The following RBM34 variants were observed in gnomAD, a reference collection of about 807,000 sequenced individuals.
RBM34 encodes RNA binding motif protein 34.
A neutral mutation model predicts 44.6 loss-of-function variants in RBM34; 39 were observed. The observed-to-expected ratio is 0.87, with a 90% CI of 0.68 to 1.14. RBM34 has a LOEUF of 1.14. Among genes scored for constraint, RBM34 ranks in the 50% most tolerant of loss-of-function variants. RBM34 has a pLI of 0.00. For synonymous variants in RBM34, 194 were observed against 184.0 expected (o/e 1.05, Z -0.44); for missense variants, 572 against 517.9 (o/e 1.10, Z -1.01).
intron 6 of RBM34, among the ~76,000 whole-genome samples, chr1:235,141,339 C>A (rs1014800177): frequency 1.3e-5 from 2 of 152,150 alleles, no homozygotes; most frequent in African/African-American, 2.4e-5. Flanking sequence ...GTGCACCAAT[C>A]GATACTCTGT....
At position 235,160,501 on chromosome 1, in the gene RBM34, T is replaced by A; in HGVS notation, c.365+10A>T. The A allele has an allele frequency of 6.2e-7, 1 of 1,607,128 alleles. No homozygotes were observed. The highest frequency in any genetic ancestry group is 1.7e-5 in the Admixed American group (1 of 58,482). On this transcript the variant is annotated intron_variant, in intron 3 of 10. Coordinates refer to ENST00000408888, the MANE Select transcript of RBM34 (RefSeq NM_015014.4). Reference sequence around the variant, plus strand: ...ATTTCTTTAACATCAAATAAGAGAATTTTACCAACCTGTCTGCCAACTTTT... The same window carrying A: ...ATTTCTTTAACATCAAATAAGAGAAATTTACCAACCTGTCTGCCAACTTTT...
At chr1:235,152,416 T>C in intron 5 of RBM34, 1 of 987,366 alleles carries the variant, frequency 1.0e-6, no homozygotes, top group Non-Finnish European at 1.3e-6. Flanking sequence ...CAGTATTAAC[T>C]TTTCAGTCTA....
chr1:235,138,552 T>C (rs1661535063), intron 6 of RBM34, among the ~76,000 whole-genome samples: 1 of 152,118 alleles, frequency 6.6e-6, no homozygotes, highest in Admixed American at 6.5e-5. Flanking sequence ...GAAACACCCA[T>C]ATAGAAGAGT....
chr1:235,158,402 G>A (rs536828956), intron 3 of RBM34, among the ~76,000 whole-genome samples: 79 of 149,458 alleles, frequency 5.3e-4, no homozygotes, highest in African/African-American at 1.8e-3. Context: ...GGCGACAACA[G>A]TGAAACGCCA....
chr1:235,143,962 T>G (rs895433472), intron 6 of RBM34, among the ~76,000 whole-genome samples: 4 of 152,150 alleles, frequency 2.6e-5, no homozygotes, highest in African/African-American at 9.7e-5. Context: ...GAGGGCTACT[T>G]GAGCTCAGGA....
intron 10 of RBM34, among the ~76,000 whole-genome samples, chr1:235,134,734 C>T (rs1408678855): frequency 6.7e-6 from 1 of 148,934 alleles, no homozygotes; most frequent in Non-Finnish European, 1.5e-5. Flanking sequence ...AAATTCAGTT[C>T]TCGTTTTCGG....
chr1:235,154,101 C>T (rs1052795268), intron 4 of RBM34, among the ~76,000 whole-genome samples: 1 of 152,080 alleles, frequency 6.6e-6, no homozygotes, highest in Non-Finnish European at 1.5e-5. Context: ...AAAAAATTAG[C>T]TGGGCGTGGT....
intron 6 of RBM34, among the ~76,000 whole-genome samples, chr1:235,147,290 G>A (rs1455046379): frequency 6.6e-6 from 1 of 152,176 alleles, no homozygotes; most frequent in East Asian, 1.9e-4. Flanking sequence ...TGGAGGAGAA[G>A]CTGACGGTAT....
chr1:235,141,263 T>C (rs1337345408), intron 6 of RBM34, among the ~76,000 whole-genome samples: 1 of 151,736 alleles, frequency 6.6e-6, no homozygotes, highest in Non-Finnish European at 1.5e-5. Flanking sequence ...CAATCGGCAC[T>C]CTGTATCTAG....
intron 8 of RBM34, among the ~76,000 whole-genome samples, chr1:235,136,505 A>G (rs1377656138): frequency 6.6e-6 from 1 of 152,238 alleles, no homozygotes; most frequent in Admixed American, 6.5e-5. Flanking sequence ...ATTAACAAAA[A>G]AAAAGCAGCA....
In RBM34 at chr1:235,160,584, G is replaced by A. The variant is rs758137954; in HGVS notation, c.292C>T (p.Leu98Phe). The change falls in exon 3 of 11, where the codon CTT becomes TTT. Residue 98 changes from leucine (L) to phenylalanine (F), a missense_variant. Physicochemically the swap from Leu to Phe is conservative, Grantham distance 22. Coordinates refer to ENST00000408888, the MANE Select transcript of RBM34 (RefSeq NM_015014.4). ...EESTSQIERP[L>F]SQEPAKKVKA... is the part of the protein sequence containing the mutation. The stretch of plus-strand genomic sequence containing the variant: ...ACTTTTTTGGCAGGTTCTTGCGAAA[G>A]TGGTCTTTCAATCTGGGATGTACTT... 6.8e-6 allele frequency: 11 copies of A among 1,613,912 alleles called. No individual in the cohort carries two copies. Among genetic ancestry groups the A allele is most frequent in the Admixed American group, 1.7e-5 (1 of 59,992 alleles).
chr1:235,140,280 G>C (rs575221420), intron 6 of RBM34, among the ~76,000 whole-genome samples: 32 of 152,292 alleles, frequency 2.1e-4, no homozygotes, highest in African/African-American at 6.3e-4. Flanking sequence ...GCAGGGAGGT[G>C]TGGAGGGAGA....
intron 4 of RBM34, among the ~76,000 whole-genome samples, chr1:235,153,317 T>C (rs1662246084): frequency 6.6e-6 from 1 of 152,018 alleles, no homozygotes; most frequent in African/African-American, 2.4e-5. Context: ...ATCGGATGTA[T>C]GCTTTTCTTT....
chr1:235,152,046 T>C (rs897412484), intron 5 of RBM34, among the ~76,000 whole-genome samples: 1 of 148,062 alleles, frequency 6.8e-6, no homozygotes, highest in African/African-American at 2.5e-5. Context: ...AAAAAAAAAA[T>C]AGAATAAACA....
intron 9 of RBM34, 35 bp downstream of exon 9, chr1:235,135,999 G>A: frequency 6.8e-7 from 1 of 1,473,490 alleles, no homozygotes. Flanking sequence ...TATTTATTTA[G>A]TAATATTAAC....
chr1:235,140,620 G>C (rs1405686803), intron 6 of RBM34, among the ~76,000 whole-genome samples: 1 of 152,128 alleles, frequency 6.6e-6, no homozygotes, highest in Admixed American at 6.5e-5. Context: ...CCCGAGGAGC[G>C]CCACCCCCTG....
At chr1:235,153,617 G>A (rs552819875) in intron 4 of RBM34, among the ~76,000 whole-genome samples, 176 of 152,170 alleles carry the variant, frequency 1.2e-3, no homozygotes, top group African/African-American at 3.8e-3. Context: ...GTAGAGAAGC[G>A]GTTTCACCAT....
In RBM34 at chr1:235,160,571, G is replaced by A. The variant is rs1662665245; in HGVS notation, c.305C>T (p.Pro102Leu). Reference sequence around the variant, plus strand: ...CTTCTTCGCTTTCACTTTTTTGGCAGGTTCTTGCGAAAGTGGTCTTTCAAT... The same window carrying A: ...CTTCTTCGCTTTCACTTTTTTGGCAAGTTCTTGCGAAAGTGGTCTTTCAAT... ...SQIERPLSQE[P>L]AKKVKAKKKH... is the part of the protein sequence containing the mutation. Residue 102 changes from proline to leucine, a missense_variant, in exon 3 of 11, where the codon CCT (proline) becomes CTT (leucine). By Grantham distance (98) the Pro-to-Leu change is moderately conservative (BLOSUM62 -3). Coordinates refer to ENST00000408888, the MANE Select transcript of RBM34 (RefSeq NM_015014.4). 6.2e-7 allele frequency: 1 copy of A among 1,613,778 alleles called. No individual in the cohort carries two copies. The highest frequency in any genetic ancestry group is 1.3e-5 in the African/African-American group (1 of 74,872).
Position 235,135,759 on chromosome 1 carries a change from A to T in RBM34, c.901T>A (p.Ser301Thr). ...TCCAGAAAGTGCTTCTCAATGGCAGATTCTTCAACTTCTGAAAACAAATTC... is the reference window on the plus strand; with the variant it reads ...TCCAGAAAGTGCTTCTCAATGGCAGTTTCTTCAACTTCTGAAAACAAATTC... The part of the protein sequence containing the change: ...VGNLPYKVEE[S>T]AIEKHFLDCG... Residue 301 changes from serine to threonine, a missense_variant, in exon 10 of 11, where the codon TCT becomes ACT. By Grantham distance (58) the Ser-to-Thr change is moderately conservative (BLOSUM62 1). Coordinates refer to ENST00000408888, the MANE Select transcript of RBM34 (RefSeq NM_015014.4). The T allele has an allele frequency of 6.2e-7, 1 of 1,613,494 alleles. No homozygotes were observed. The highest frequency in any genetic ancestry group is 1.1e-5 in the South Asian group (1 of 91,056).
Sources: allele counts gnomAD v4.1 joint callset (sites outside exome capture counted in the v4.1 genomes callset), GRCh38; gene constraint gnomAD v4.1.1; transcripts MANE v1.5; gene names NCBI Gene and HGNC (gene_info 2026-07-23, HGNC 2026-07-21).